Variants in MDM1 observed in about 807,000 individuals in gnomAD.
MDM1 encodes the protein Mdm1 nuclear protein.
A neutral mutation model predicts 89.1 loss-of-function variants in MDM1; 61 were observed. The observed-to-expected ratio is 0.68, with a 90% CI of 0.56 to 0.85. The LOEUF (loss-of-function observed/expected upper bound fraction) is 0.85. MDM1 is among the 40% of genes least tolerant of loss of function. The pLI, the probability that MDM1 is intolerant of heterozygous loss-of-function variation, is 0.00. For synonymous variants in MDM1, 290 were observed against 294.1 expected, an observed-to-expected ratio of 0.99 and a Z score of 0.14; for missense variants, 820 against 846.5, an observed-to-expected ratio of 0.97 and a Z score of 0.39.
rs770588294 is a variant in MDM1, at chr12:68,321,562, T to A, written c.868A>T (p.Lys290Ter). 8.1e-6 allele frequency: 13 copies of A among 1,613,350 alleles called. No homozygotes were observed. The Admixed American group carries it at 1.3e-4, about 17-fold the overall frequency. The change falls in exon 6 of 15, where the codon AAA becomes TAA. Residue 290 changes from lysine to a stop codon, truncating the protein, a stop_gained. Transcript: ENST00000682720. LOFTEE classifies it high-confidence loss of function. ...EMELKDLHQP[K>*]RKLTPWKHQR... ...TGTTTCCAAGGAGTAAGCTTCCTTT[T>A]AGGCTGGTGTAAGTCTTTTAATTCC...
At chr12:68,298,917 C>T (rs183759612) in intron 13 of MDM1, among the ~76,000 whole-genome samples, 26 of 152,064 alleles carry the variant, frequency 1.7e-4, no homozygotes, top group Admixed American at 1.5e-3. Flanking sequence ...GAGACCTCTG[C>T]CATTCCAACC....
In MDM1 at chr12:68,326,985, C is replaced by CACAAG; in HGVS notation, c.169_170insCTTGT (p.Arg57ThrfsTer56). On this transcript the variant is annotated frameshift_variant, in exon 3 of 15. Transcript: ENST00000682720. LOFTEE classifies it high-confidence loss of function. The stretch of plus-strand genomic sequence containing the variant: ...AATCTGTGGGTCATGGTAAGGGACT[C>CACAAG]TTCTTTTTGAAATAAAACTTGGCTC... The CACAAG allele has an allele frequency of 6.2e-7, 1 of 1,603,192 alleles. No individual in the cohort carries two copies. Among genetic ancestry groups the CACAAG allele is most frequent in the Non-Finnish European group, 8.5e-7 (1 of 1,176,464 alleles).
At chr12:68,325,011 T>A (rs1875750708) in intron 4 of MDM1, 1 of 979,892 alleles carries the variant, frequency 1.0e-6, no homozygotes. Flanking sequence ...TGTGTTACTG[T>A]CAACATATTT....
rs150886543 is a variant in MDM1, at chr12:68,321,610, G to A, written c.820C>T (p.Arg274Cys). Reference sequence around the variant, plus strand: ...TCCATCTCTGCTTCCAATTTTAAACGATCGTCTATTTTATTACTCTGAAAT... The same window carrying A: ...TCCATCTCTGCTTCCAATTTTAAACAATCGTCTATTTTATTACTCTGAAAT... Reference protein sequence around the residue: ...PERKSNKIDDRLKLEAEMELK... With the variant: ...PERKSNKIDDCLKLEAEMELK... The change falls in exon 6 of 15, where the codon CGT (arginine) becomes TGT (cysteine). Residue 274 changes from arginine to cysteine, a missense_variant. By Grantham distance (180) the Arg-to-Cys change is radical. Transcript: ENST00000682720. The A allele has an allele frequency of 5.2e-5, 83 of 1,609,720 alleles. No homozygotes were observed. In the South Asian group the frequency reaches 6.3e-4, roughly 12 times the overall value.
rs1051035032 is a variant in MDM1, at chr12:68,331,108, T to C, written c.132A>G (p.Leu44=). Residue 44 remains leucine (L), a splice_region_variant and synonymous_variant, in exon 2 of 15, where the codon TTA becomes TTG. Coordinates refer to ENST00000682720, the MANE Select transcript of MDM1 (RefSeq NM_001354969.2). ...YPWAGLRSDQ[L]GITKEPSFIS... ...TGGCTATTAGCCTGCTCAACTTACC[T>C]AATTGATCTGATCTAAGTCCAGCCC... The C allele has an allele frequency of 3.2e-6, 5 of 1,563,310 alleles. No individual in the cohort carries two copies. The South Asian group carries it at 3.3e-5, about 10-fold the overall frequency.
chr12:68,316,074 T>C lies in MDM1; in HGVS notation c.1211+4A>G. On this transcript the variant is annotated splice_donor_region_variant and intron_variant, in intron 9 of 14. Transcript: ENST00000682720. ...TTTTTTGCCATCCACAAAGAATATC[T>C]CACCCAGCAAGATCTAATGCTCTGA... 6.3e-7 allele frequency: 1 copy of C among 1,592,852 alleles called. No individual in the cohort carries two copies. The highest frequency in any genetic ancestry group is 1.8e-5 in the Admixed American group (1 of 56,618).
Position 68,315,274 on chromosome 12 carries a change from C to T in MDM1, c.1212-9G>A. ...TATGGCTTGTAGGATCTCTGCGTAA[C>T]AAAATCAATTTTATTTTAAATGTGA... On this transcript the variant is annotated splice_polypyrimidine_tract_variant and intron_variant, in intron 9 of 14. Coordinates refer to ENST00000682720, the MANE Select transcript of MDM1 (RefSeq NM_001354969.2). The T allele has an allele frequency of 6.3e-7, 1 of 1,596,032 alleles. No homozygotes were observed. The highest frequency in any genetic ancestry group is 1.1e-5 in the South Asian group (1 of 89,264).
At position 68,313,513 on chromosome 12, in the gene MDM1, G is replaced by A. The variant is rs368651309; in HGVS notation, c.1679C>T (p.Pro560Leu). Residue 560 changes from proline to leucine, a missense_variant, in exon 12 of 15, where the codon CCA (proline) becomes CTA (leucine). Coordinates refer to ENST00000682720, the MANE Select transcript of MDM1 (RefSeq NM_001354969.2). ...VLVSPSKMKP[P>L]APEQRKRMTS... ...CATTCTTTTCCTCTGTTCTGGGGCTGGAGGCTTCATCTTAGATGGAGACAC... is the reference window on the plus strand; with the variant it reads ...CATTCTTTTCCTCTGTTCTGGGGCTAGAGGCTTCATCTTAGATGGAGACAC... 11 of 1,613,888 alleles carry A rather than the reference G, an allele frequency of 6.8e-6. No homozygotes were observed. The highest frequency in any genetic ancestry group is 9.3e-6 in the Non-Finnish European group (11 of 1,179,898).
chr12:68,310,486 T>C (rs1873528830), intron 12 of MDM1, among the ~76,000 whole-genome samples: 1 of 152,200 alleles, frequency 6.6e-6, no homozygotes, highest in Non-Finnish European at 1.5e-5. Flanking sequence ...GTGTATACAG[T>C]TGCCTAAAAG....
At chr12:68,325,718 G>A (rs763913863) in intron 3 of MDM1, 143 bp from the exon 4 acceptor site, 158 of 1,287,066 alleles carry the variant, frequency 1.2e-4, no homozygotes, top group Non-Finnish European at 1.5e-4. Context: ...AACTACATGC[G>A]CATTGTGGTA....
chr12:68,311,650 GCAT>G (rs1219312160), intron 12 of MDM1, among the ~76,000 whole-genome samples: 3 of 152,032 alleles, frequency 2.0e-5, no homozygotes, highest in Non-Finnish European at 4.4e-5. Context: ...CCTCACTCCT[GCAT>G]CATCAACTTT....
chr12:68,314,843 T>G, intron 10 of MDM1, 105 bp downstream of exon 10: 1 of 992,054 alleles, frequency 1.0e-6, no homozygotes, highest in Non-Finnish European at 1.5e-6. Context: ...AATCTGCAAT[T>G]TATTAGTCAT....
At chr12:68,328,142 C>A (rs765060216) in intron 2 of MDM1, among the ~76,000 whole-genome samples, 1 of 152,080 alleles carries the variant, frequency 6.6e-6, no homozygotes, top group Non-Finnish European at 1.5e-5. Flanking sequence ...GGTAGGGAGC[C>A]AAACAAAGGG....
chr12:68,314,783 A>G (rs952207783), intron 10 of MDM1, among the ~76,000 whole-genome samples, 165 bp downstream of exon 10: 1 of 152,254 alleles, frequency 6.6e-6, no homozygotes, highest in African/African-American at 2.4e-5. Flanking sequence ...TACCTGAGTG[A>G]ATCAAATTAT....
At chr12:68,301,437 C>T (rs1027591494) in intron 13 of MDM1, among the ~76,000 whole-genome samples, 2 of 152,020 alleles carry the variant, frequency 1.3e-5, no homozygotes, top group Non-Finnish European at 2.9e-5. Flanking sequence ...CAGAGTGATA[C>T]GATAGACTGT....
intron 2 of MDM1, among the ~76,000 whole-genome samples, chr12:68,329,244 C>T (rs976984703): frequency 6.6e-6 from 1 of 152,186 alleles, no homozygotes; most frequent in Non-Finnish European, 1.5e-5. Context: ...GACACCCAGT[C>T]TCTGAAGTTT....
At chr12:68,318,517 A>G (rs1299721811) in intron 7 of MDM1, among the ~76,000 whole-genome samples, 1 of 152,238 alleles carries the variant, frequency 6.6e-6, no homozygotes, top group African/African-American at 2.4e-5. Flanking sequence ...AATCTTTATT[A>G]ATCTCAGTGC....
chr12:68,323,119 T>C lies in MDM1; in HGVS notation c.755A>G (p.Asp252Gly). ...SPVKEPKLRN[D>G]LRENRNLETV... ...TTCAAGATTTCTGTTTTCTCTCAAA[T>C]CATTTCTTAATTTTGGTTCTTTCAC... The change falls in exon 5 of 15, where the codon GAT becomes GGT. Residue 252 changes from aspartate to glycine, a missense_variant. Physicochemically the swap from Asp to Gly is moderately conservative, Grantham distance 94. Coordinates refer to ENST00000682720, the MANE Select transcript of MDM1 (RefSeq NM_001354969.2). The C allele has an allele frequency of 6.2e-7, 1 of 1,609,732 alleles. No individual in the cohort carries two copies. The highest frequency in any genetic ancestry group is 2.2e-5 in the East Asian group (1 of 44,588).
chr12:68,306,062 AACAG>A (rs1257136598), intron 12 of MDM1, among the ~76,000 whole-genome samples: 3 of 152,132 alleles, frequency 2.0e-5, no homozygotes, highest in Non-Finnish European at 2.9e-5. Context: ...CTGGTAAACA[AACAG>A]ACAGACTAAT....
Sources: gnomAD v4.1 joint callset for allele counts (sites outside exome capture counted in the v4.1 genomes callset) on GRCh38, gnomAD v4.1.1 for gene constraint, MANE v1.5 for transcripts, NCBI Gene and HGNC (gene_info 2026-07-23, HGNC 2026-07-21) for gene names.